The following FGF14 variants were observed in gnomAD, a reference collection of about 807,000 sequenced individuals.
FGF14 encodes the protein fibroblast growth factor 14.
FGF14 carries 5 observed loss-of-function variants against 25.5 expected under a neutral mutation model. The observed-to-expected ratio is 0.20, with a 90% confidence interval of 0.10 to 0.41. The LOEUF (loss-of-function observed/expected upper bound fraction) is 0.41, where lower values mean the gene tolerates loss of function less well. Ranked by LOEUF, FGF14 falls within the 10% of genes least tolerant of loss-of-function variation. The pLI is 1.00. For missense variants in FGF14, 222 were observed against 320.1 expected, an observed-to-expected ratio of 0.69 and a Z score of 2.34; for synonymous variants, 138 against 118.3, an observed-to-expected ratio of 1.17 and a Z score of -1.08.
chr13:102,132,515 CT>C (rs5806272), intron 1 of FGF14, among the ~76,000 whole-genome samples: 38,664 of 112,320 alleles, frequency 0.34, 5,541 homozygotes, highest in East Asian at 0.74. Context: ...TTCTTTCTTT[CT>C]TTTTTTTTTT....
chr13:101,880,159 G>A (rs1594586954), intron 1 of FGF14, among the ~76,000 whole-genome samples: 3 of 152,146 alleles, frequency 2.0e-5, no homozygotes, highest in African/African-American at 7.2e-5. Context: ...CCATTCCAAT[G>A]TACTATTATG....
Position 102,069,586 on chromosome 13 carries a change from C to G in FGF14, c.209-194290G>C, listed in dbSNP as rs189760241. Among the ~76,000 whole-genome samples, 584 of 152,082 alleles carry G rather than the reference C, an allele frequency of 3.8e-3. 4 individuals are homozygous for G. Among genetic ancestry groups the G allele is most frequent in the African/African-American group, 0.013 (557 of 41,386 alleles). ...TCCTGAGCCCAGCGAGACCACAAGCCCACCGGGAGGAACGAACAACTCCAG... is the reference window on the plus strand; with the variant it reads ...TCCTGAGCCCAGCGAGACCACAAGCGCACCGGGAGGAACGAACAACTCCAG... On this transcript the variant is annotated intron_variant, in intron 1 of 4. Coordinates refer to the FGF14 transcript ENST00000376131.
In FGF14 at chr13:102,193,949, C is replaced by T. The variant is rs1218262540; in HGVS notation, c.208+207522G>A. On this transcript the variant is annotated intron_variant, in intron 1 of 4. Transcript: ENST00000376131. ...CTGAAAAAGTCCATGAATTAGAATTCCTAGTCAAAAATTTGAAATAACTTT... is the reference window on the plus strand; with the variant it reads ...CTGAAAAAGTCCATGAATTAGAATTTCTAGTCAAAAATTTGAAATAACTTT... Among the ~76,000 whole-genome samples the T allele has an allele frequency of 2.6e-5, 4 of 151,890 alleles. No homozygotes were observed. In the East Asian group the frequency reaches 7.7e-4, roughly 29 times the overall value.
At chr13:101,777,051 T>C (rs1450448735) in intron 3 of FGF14, among the ~76,000 whole-genome samples, 2 of 152,188 alleles carry the variant, frequency 1.3e-5, no homozygotes, top group Non-Finnish European at 2.9e-5. Flanking sequence ...TAGTTATAGA[T>C]GTTTCAAAAG....
rs1231300809 is a variant in FGF14, at chr13:102,367,320, CAG to C, written c.208+34149_208+34150del. The stretch of plus-strand genomic sequence containing the variant: ...GGTCCTGGGTGTTGGCAGCAGGTCT[CAG>C]TTCCTTGCCATATGGGAGCTCCCTG... On this transcript the variant is annotated intron_variant, in intron 1 of 4. Coordinates refer to the FGF14 transcript ENST00000376131. The C allele has an allele frequency of 3.9e-5, 6 of 152,256 alleles. No individual in the cohort carries two copies. In the East Asian group the frequency reaches 1.2e-3, roughly 29 times the overall value. The allele number at this position is 152,256 out of a possible 1,614,324, so 9.4% of individuals were successfully genotyped here.
At chr13:102,308,193 T>C (rs556867282) in intron 1 of FGF14, among the ~76,000 whole-genome samples, 1 of 152,180 alleles carries the variant, frequency 6.6e-6, no homozygotes, top group Non-Finnish European at 1.5e-5. Flanking sequence ...CTCCCTAAGA[T>C]ACTCAAGATC....
intron 3 of FGF14, among the ~76,000 whole-genome samples, chr13:101,773,856 C>A (rs1472139975): frequency 6.8e-6 from 1 of 146,814 alleles, no homozygotes; most frequent in East Asian, 2.0e-4. Context: ...AAAATGTATT[C>A]CTCCCATACT....
chr13:102,298,906 T>A (rs1229491978), intron 1 of FGF14, among the ~76,000 whole-genome samples: 1 of 152,192 alleles, frequency 6.6e-6, no homozygotes, highest in East Asian at 1.9e-4. Flanking sequence ...AGATGAGAAC[T>A]GAATAAATGT....
intron 1 of FGF14, among the ~76,000 whole-genome samples, chr13:102,277,577 T>C (rs1156737435): frequency 6.6e-6 from 1 of 152,234 alleles, no homozygotes; most frequent in East Asian, 1.9e-4. Context: ...AGGCCAGCCC[T>C]GGGCTCTGCT....
intron 1 of FGF14, among the ~76,000 whole-genome samples, chr13:101,965,107 G>A (rs553176830): frequency 1.3e-5 from 2 of 152,214 alleles, no homozygotes; most frequent in East Asian, 3.9e-4. Flanking sequence ...AAATTAGCTG[G>A]GCGAGGTGGG....
chr13:102,078,981 T>G (rs890529272), intron 1 of FGF14, among the ~76,000 whole-genome samples: 1 of 152,116 alleles, frequency 6.6e-6, no homozygotes, highest in African/African-American at 2.4e-5. Context: ...GTGGAGGATA[T>G]AGAAATGGTC....
intron 1 of FGF14, among the ~76,000 whole-genome samples, chr13:101,951,818 T>C (rs1402964794): frequency 1.3e-5 from 2 of 152,326 alleles, no homozygotes; most frequent in Non-Finnish European, 2.9e-5. Flanking sequence ...TTATGGTTAA[T>C]AATAACATTA....
chr13:102,352,239 TTA>T (rs2057301204), intron 1 of FGF14, among the ~76,000 whole-genome samples: 2 of 114,734 alleles, frequency 1.7e-5, no homozygotes, highest in East Asian at 5.2e-4. Context: ...ATCTGTACCT[TTA>T]TACACACACA....
intron 1 of FGF14, among the ~76,000 whole-genome samples, chr13:102,379,896 T>C (rs1285208773): frequency 1.3e-5 from 2 of 152,162 alleles, no homozygotes; most frequent in African/African-American, 4.8e-5. Context: ...AAGTTTTCAC[T>C]GGAAAGCCAG....
intron 1 of FGF14, among the ~76,000 whole-genome samples, chr13:102,085,101 T>C (rs563079179): frequency 6.6e-6 from 1 of 152,336 alleles, no homozygotes; most frequent in Non-Finnish European, 1.5e-5. Context: ...GGCCTTAGCA[T>C]TTACCACCTT....
chr13:101,867,932 A>ACGCG (rs1195453640), intron 3 of FGF14, among the ~76,000 whole-genome samples: 2 of 126,348 alleles, frequency 1.6e-5, no homozygotes, highest in Non-Finnish European at 3.3e-5. Flanking sequence ...ACACACACAC[A>ACGCG]CACGCGCACA....
intron 1 of FGF14, chr13:102,003,084 A>C (rs1268721073): frequency 6.6e-6 from 1 of 152,224 alleles, no homozygotes; most frequent in Non-Finnish European, 1.5e-5. Context: ...CACGCTTGGA[A>C]AATTATTCAT....
intron 1 of FGF14, among the ~76,000 whole-genome samples, chr13:102,161,650 A>AGGAGG (rs1566765195): frequency 1.4e-4 from 6 of 42,848 alleles, no homozygotes; most frequent in Non-Finnish European, 2.6e-4. Context: ...GAAGAAGAAG[A>AGGAGG]AGAAGAAGAA....
chr13:101,893,438 A>G (rs1415453280), intron 1 of FGF14, among the ~76,000 whole-genome samples: 1 of 152,104 alleles, frequency 6.6e-6, no homozygotes, highest in Admixed American at 6.6e-5. Flanking sequence ...GAAAGCACCT[A>G]CATTCTTATA....
Sources: allele counts gnomAD v4.1 joint callset (sites outside exome capture counted in the v4.1 genomes callset), GRCh38; gene constraint gnomAD v4.1.1; transcripts MANE v1.5; gene names NCBI Gene and HGNC (gene_info 2026-07-23, HGNC 2026-07-21).